ANK3: variants seen among roughly 807,000 people sequenced by gnomAD.
ANK3 encodes the protein ankyrin-3.
A neutral mutation model predicts 370.9 loss-of-function variants in ANK3; 57 were observed. The ratio of observed to expected loss-of-function variants is 0.15; its 90% CI spans 0.12 to 0.19. ANK3 has a LOEUF of 0.19. ANK3 is among the 10% of genes least tolerant of loss of function. The pLI is 1.00. For synonymous variants in ANK3, 1,929 were observed against 1,946.3 expected (o/e 0.99, Z 0.23); for missense variants, 4,439 against 5,302.1 (o/e 0.84, Z 5.06).
intron 24 of ANK3, among the ~76,000 whole-genome samples, chr10:60,134,720 A>G (rs778000085): frequency 1.3e-5 from 2 of 152,214 alleles, no homozygotes; most frequent in African/African-American, 2.4e-5. Context: ...CTTATGTTAG[A>G]ATGTCTCCTC....
chr10:60,272,019 C>T (rs2097996289), intron 4 of ANK3, among the ~76,000 whole-genome samples: 1 of 150,900 alleles, frequency 6.6e-6, no homozygotes, highest in Admixed American at 6.6e-5. Context: ...CCCACTGTTA[C>T]TCTGTTTTAT....
At chr10:60,626,286 A>G (rs1215211140) in intron 1 of ANK3, among the ~76,000 whole-genome samples, 3 of 152,190 alleles carry the variant, frequency 2.0e-5, no homozygotes, top group Non-Finnish European at 4.4e-5. Flanking sequence ...GTTTTAAGAC[A>G]TTTTAAAAAA....
chr10:60,190,473 C>T (rs1033164082), intron 16 of ANK3, among the ~76,000 whole-genome samples: 1 of 152,138 alleles, frequency 6.6e-6, no homozygotes, highest in Non-Finnish European at 1.5e-5. Flanking sequence ...AAAAGCAAAA[C>T]AAAACAGACA....
chr10:60,316,617 G>C (rs2047469555), intron 1 of ANK3, among the ~76,000 whole-genome samples: 1 of 152,102 alleles, frequency 6.6e-6, no homozygotes, highest in South Asian at 2.1e-4. Context: ...AATTTCCATT[G>C]TTATTGTTTA....
In ANK3 at chr10:60,139,082, C is replaced by G; in HGVS notation, c.2620G>C (p.Asp874His). 1 of 1,613,508 alleles carries G rather than the reference C, an allele frequency of 6.2e-7. No homozygotes were observed. Reference protein sequence around the residue: ...EYISDVEEGEDAMTGDTDKYL... With the variant: ...EYISDVEEGEHAMTGDTDKYL... ...TTGTCTGTGTCCCCGGTCATTGCAT[C>G]TTCACCTGCAGATGTAGAGAGTAAG... The change falls in exon 24 of 44, where the codon GAT becomes CAT. Residue 874 changes from aspartate to histidine, a missense_variant. This residue lies in a region of ANK3 where 702 missense variants were observed against 941.5 expected (regional missense o/e 0.75). Transcript: ENST00000280772.
chr10:60,100,355 G>A (rs1236683484), intron 28 of ANK3, among the ~76,000 whole-genome samples: 1 of 145,258 alleles, frequency 6.9e-6, no homozygotes, highest in Non-Finnish European at 1.5e-5. Context: ...AGATGGTGCT[G>A]TGCACAACAT....
chr10:60,677,784 C>CAAAAAA (rs752482255), intron 1 of ANK3, among the ~76,000 whole-genome samples: 1 of 99,278 alleles, frequency 1.0e-5, no homozygotes, highest in Non-Finnish European at 2.1e-5. Context: ...CTCAACTACC[C>CAAAAAA]AAAAAAAAAA....
At chr10:60,523,769 G>T (rs147868597) in intron 2 of ANK3, among the ~76,000 whole-genome samples, 6 of 151,978 alleles carry the variant, frequency 3.9e-5, no homozygotes, top group Admixed American at 3.9e-4. Context: ...TAATGGGATG[G>T]CTGGGTCAAA....
chr10:60,249,749 C>T (rs961058794), intron 7 of ANK3, among the ~76,000 whole-genome samples: 5 of 152,142 alleles, frequency 3.3e-5, no homozygotes, highest in South Asian at 4.1e-4. Context: ...CCATGAAGAC[C>T]CCAGCTACCA....
Position 60,088,305 on chromosome 10 carries a change from T to C in ANK3, c.3382A>G (p.Lys1128Glu), listed in dbSNP as rs1279017724. The stretch of plus-strand genomic sequence containing the variant: ...ACTGCAAAATACTGGGGGAAATCTT[T>C]CGTGATAATCCTGCAGATACGCTTT... Reference protein sequence around the residue: ...GKKRICRIITKDFPQYFAVVS... With the variant: ...GKKRICRIITEDFPQYFAVVS... Residue 1128 changes from lysine (K) to glutamate (E), a missense_variant, in exon 29 of 44, where the codon AAA becomes GAA. This residue lies in a region of ANK3 where 702 missense variants were observed against 941.5 expected (regional missense o/e 0.75). Transcript: ENST00000280772. The C allele has an allele frequency of 1.2e-6, 2 of 1,614,234 alleles. No homozygotes were observed. The highest frequency in any genetic ancestry group is 1.7e-5 in the Admixed American group (1 of 60,032).
At chr10:60,370,148 C>T (rs1195588643) in intron 1 of ANK3, among the ~76,000 whole-genome samples, 1 of 152,110 alleles carries the variant, frequency 6.6e-6, no homozygotes, top group East Asian at 1.9e-4. Flanking sequence ...CAAGTGAAAC[C>T]TAGTCCATGT....
intron 2 of ANK3, among the ~76,000 whole-genome samples, chr10:60,498,453 A>G (rs1210829736): frequency 6.6e-6 from 1 of 152,060 alleles, no homozygotes; most frequent in Non-Finnish European, 1.5e-5. Flanking sequence ...GAACAGCACA[A>G]TCACAGCTCA....
At chr10:60,472,002 C>A (rs2065231390) in intron 2 of ANK3, among the ~76,000 whole-genome samples, 1 of 152,018 alleles carries the variant, frequency 6.6e-6, no homozygotes. Flanking sequence ...CCCTTGTATG[C>A]TCAGAATTTA....
chr10:60,649,441 T>A (rs2133360580), intron 1 of ANK3, among the ~76,000 whole-genome samples: 1 of 152,332 alleles, frequency 6.6e-6, no homozygotes, highest in South Asian at 2.1e-4. Context: ...TCTGATAACA[T>A]CCTAGATAAG....
chr10:60,460,382 T>C (rs117919048), intron 2 of ANK3, among the ~76,000 whole-genome samples: 1 of 152,210 alleles, frequency 6.6e-6, no homozygotes, highest in Non-Finnish European at 1.5e-5. Context: ...GGAAGTTACA[T>C]AAGAAATTTA....
chr10:60,042,505 G>A (rs1268824193), intron 43 of ANK3, among the ~76,000 whole-genome samples, 167 bp downstream of exon 43: 1 of 152,204 alleles, frequency 6.6e-6, no homozygotes. Context: ...TTCATTGTGT[G>A]TATATATGCA....
chr10:60,244,726 G>A (rs1412991989), intron 7 of ANK3, among the ~76,000 whole-genome samples: 1 of 152,090 alleles, frequency 6.6e-6, no homozygotes, highest in Non-Finnish European at 1.5e-5. Context: ...GGAAATACAC[G>A]GAAGCAAAGA....
At chr10:60,647,171 T>C (rs912335156) in intron 1 of ANK3, among the ~76,000 whole-genome samples, 1 of 152,200 alleles carries the variant, frequency 6.6e-6, no homozygotes, top group Non-Finnish European at 1.5e-5. Flanking sequence ...AGGTATAACA[T>C]GTTATGCCTA....
intron 2 of ANK3, among the ~76,000 whole-genome samples, chr10:60,601,515 T>C (rs892932353): frequency 2.6e-5 from 4 of 151,860 alleles, no homozygotes; most frequent in Admixed American, 1.3e-4. Context: ...CAACCTCAAA[T>C]TGAGGGGTAT....
Sources: allele counts gnomAD v4.1 joint callset (sites outside exome capture counted in the v4.1 genomes callset), GRCh38; gene constraint gnomAD v4.1.1; regional missense constraint gnomAD v4.1.1; transcripts MANE v1.5; gene names NCBI Gene and HGNC (gene_info 2026-07-23, HGNC 2026-07-21).